The following AGBL3 variants were observed in gnomAD, a reference collection of about 807,000 sequenced individuals.
AGBL3 encodes the protein AGBL carboxypeptidase 3.
AGBL3 carries 68 observed loss-of-function variants against 94.5 expected under a neutral mutation model. The ratio of observed to expected loss-of-function variants is 0.72; its 90% confidence interval spans 0.59 to 0.88. AGBL3 has a LOEUF of 0.88. Among genes scored for constraint, AGBL3 ranks in the 40% least tolerant of loss-of-function variants. The pLI, the probability that AGBL3 is intolerant of heterozygous loss-of-function variation, is 0.00. For missense variants in AGBL3, 934 were observed against 1,103.8 expected (o/e 0.85, Z 2.18); for synonymous variants, 354 against 370.7 (o/e 0.95, Z 0.52).
At chr7:135,103,641 T>C (rs1403141988) in intron 15 of AGBL3, among the ~76,000 whole-genome samples, 1 of 152,172 alleles carries the variant, frequency 6.6e-6, no homozygotes, top group African/African-American at 2.4e-5. Flanking sequence ...TCACATTCTA[T>C]CTCAGTAGGA....
At chr7:135,129,428 A>C (rs964766040) in intron 16 of AGBL3, 1 of 788,568 alleles carries the variant, frequency 1.3e-6, no homozygotes, top group Non-Finnish European at 2.3e-6. Flanking sequence ...TTCAGAAGGC[A>C]CTGGAAGAGA....
intron 2 of AGBL3, 140 bp downstream of exon 2, chr7:134,988,136 G>A (rs954610381): frequency 4.5e-6 from 3 of 671,986 alleles, no homozygotes; most frequent in Admixed American, 6.8e-5. Context: ...GAAATAATTT[G>A]GCTGAAAAAG....
chr7:135,074,672 G>A (rs1050112204), intron 12 of AGBL3, among the ~76,000 whole-genome samples: 2 of 152,076 alleles, frequency 1.3e-5, no homozygotes, highest in Non-Finnish European at 2.9e-5. Context: ...AAAATACCAT[G>A]CAAGTCTTTA....
chr7:135,075,116 A>T (rs1167354606), intron 12 of AGBL3, among the ~76,000 whole-genome samples: 9 of 152,186 alleles, frequency 5.9e-5, no homozygotes, highest in Non-Finnish European at 1.2e-4. Flanking sequence ...TTACAGTGCC[A>T]TGTTACAATA....
intron 11 of AGBL3, among the ~76,000 whole-genome samples, chr7:135,055,364 A>T (rs1393620983): frequency 1.3e-5 from 2 of 152,238 alleles, no homozygotes; most frequent in Non-Finnish European, 2.9e-5. Flanking sequence ...TCCTCAAAGC[A>T]GGAAAGCATC....
chr7:135,010,294 G>T, intron 4 of AGBL3: 1 of 256,384 alleles, frequency 3.9e-6, no homozygotes, highest in Non-Finnish European at 7.5e-6. Context: ...CCAAAGTGCT[G>T]GGTTTTTTTT....
chr7:135,109,675 A>G (rs1350491836), intron 15 of AGBL3, among the ~76,000 whole-genome samples: 1 of 151,972 alleles, frequency 6.6e-6, no homozygotes, highest in Non-Finnish European at 1.5e-5. Context: ...TAGCAGGGGT[A>G]TCTGTAGACC....
chr7:134,991,218 A>G (rs1810226252), intron 3 of AGBL3, among the ~76,000 whole-genome samples: 1 of 145,796 alleles, frequency 6.9e-6, no homozygotes, highest in Admixed American at 6.9e-5. Flanking sequence ...GGGGTTGGTT[A>G]AAATTTCAGT....
intron 12 of AGBL3, among the ~76,000 whole-genome samples, chr7:135,062,206 A>G (rs1289043592): frequency 6.6e-6 from 1 of 152,020 alleles, no homozygotes; most frequent in Non-Finnish European, 1.5e-5. Context: ...GTTTGTTATT[A>G]ATCATACTTT....
chr7:135,096,738 A>AGAGT (rs1822897022), intron 15 of AGBL3, among the ~76,000 whole-genome samples: 2 of 120,086 alleles, frequency 1.7e-5, no homozygotes, highest in Non-Finnish European at 3.5e-5. Context: ...AGAAAGAGAA[A>AGAGT]GAATGAAAGA....
chr7:135,037,268 T>A, intron 7 of AGBL3, 150 bp from the exon 8 acceptor site: 1 of 535,212 alleles, frequency 1.9e-6, no homozygotes, highest in African/African-American at 2.0e-5. Context: ...ATTTAAAAAA[T>A]TGTATATTAA....
intron 8 of AGBL3, among the ~76,000 whole-genome samples, chr7:135,041,385 A>G (rs1193791640): frequency 1.3e-5 from 2 of 152,216 alleles, no homozygotes; most frequent in Non-Finnish European, 2.9e-5. Context: ...AGTAATAAAG[A>G]TAGTATGTTA....
At chr7:135,046,178 T>C (rs1336123579) in intron 11 of AGBL3, among the ~76,000 whole-genome samples, 2 of 152,128 alleles carry the variant, frequency 1.3e-5, no homozygotes, top group Non-Finnish European at 2.9e-5. Flanking sequence ...TGTTTTCGTT[T>C]TTCTCTTTCT....
chr7:135,116,858 A>G (rs563457141), intron 16 of AGBL3, among the ~76,000 whole-genome samples: 1 of 152,172 alleles, frequency 6.6e-6, no homozygotes, highest in East Asian at 1.9e-4. Context: ...CCTTTTCTAC[A>G]CAGTACAGGC....
chr7:135,102,169 T>C (rs1176735767), intron 15 of AGBL3, among the ~76,000 whole-genome samples: 1 of 152,214 alleles, frequency 6.6e-6, no homozygotes, highest in Admixed American at 6.5e-5. Context: ...GTTTAAATTA[T>C]AGTAAGTAAG....
At chr7:135,124,671 A>G (rs1047668542) in intron 16 of AGBL3, among the ~76,000 whole-genome samples, 2 of 152,242 alleles carry the variant, frequency 1.3e-5, no homozygotes, top group Non-Finnish European at 2.9e-5. Context: ...CAACAAATGC[A>G]AAAGAACTGA....
intron 15 of AGBL3, among the ~76,000 whole-genome samples, chr7:135,085,931 G>T (rs1450371469): frequency 6.6e-6 from 1 of 151,984 alleles, no homozygotes; most frequent in Non-Finnish European, 1.5e-5. Flanking sequence ...GATAACTTTG[G>T]ATAGTATGGA....
intron 4 of AGBL3, among the ~76,000 whole-genome samples, chr7:135,006,751 G>A (rs1038964819): frequency 6.6e-6 from 1 of 151,886 alleles, no homozygotes; most frequent in African/African-American, 2.4e-5. Context: ...TTTGTGGCAT[G>A]TGATTTAAAT....
intron 16 of AGBL3, among the ~76,000 whole-genome samples, chr7:135,134,387 G>A (rs1395414839): frequency 2.7e-5 from 4 of 148,236 alleles, no homozygotes; most frequent in African/African-American, 4.9e-5. Flanking sequence ...AAGCTCCCCC[G>A]AGGAAAACTT....
Sources: allele counts gnomAD v4.1 joint callset (sites outside exome capture counted in the v4.1 genomes callset), GRCh38; gene constraint gnomAD v4.1.1; transcripts MANE v1.5; gene names NCBI Gene and HGNC (gene_info 2026-07-23, HGNC 2026-07-21).